The following PITPNC1 variants were observed in gnomAD, a reference collection of about 807,000 sequenced individuals.
PITPNC1 encodes cytoplasmic phosphatidylinositol transfer protein 1.
Under a neutral mutation model 44.7 loss-of-function variants are expected in PITPNC1, and 18 were observed. That is an observed-to-expected ratio of 0.40 (90% CI 0.28 to 0.60). The LOEUF (loss-of-function observed/expected upper bound fraction) is 0.60, where lower values mean the gene tolerates loss of function less well. Among genes scored for constraint, PITPNC1 ranks in the 20% least tolerant of loss-of-function variants. PITPNC1 has a pLI of 0.39. For missense variants in PITPNC1, 290 were observed against 418.4 expected (o/e 0.69, Z 2.68); for synonymous variants, 141 against 149.6 (o/e 0.94, Z 0.42).
intron 1 of PITPNC1, among the ~76,000 whole-genome samples, chr17:67,488,155 A>T (rs2039809316): frequency 6.6e-6 from 1 of 152,186 alleles, no homozygotes; most frequent in Non-Finnish European, 1.5e-5. Context: ...CATTGAGTCA[A>T]CCCATCGCAG....
At chr17:67,578,556 G>T (rs890819187) in intron 5 of PITPNC1, among the ~76,000 whole-genome samples, 3 of 152,200 alleles carry the variant, frequency 2.0e-5, no homozygotes, top group East Asian at 1.9e-4. Context: ...GGAACTCCAA[G>T]ATTTGGTTTT....
At chr17:67,675,787 C>T (rs529532280) in intron 8 of PITPNC1, among the ~76,000 whole-genome samples, 16 of 152,162 alleles carry the variant, frequency 1.1e-4, no homozygotes, top group Admixed American at 5.2e-4. Context: ...ATAGTTGATA[C>T]GCATGGCTCC....
intron 6 of PITPNC1, among the ~76,000 whole-genome samples, chr17:67,632,914 C>T (rs908631690): frequency 1.3e-5 from 2 of 152,152 alleles, no homozygotes; most frequent in African/African-American, 4.8e-5. Context: ...CATTCCAGCA[C>T]AGCTCCTTTC....
intron 8 of PITPNC1, among the ~76,000 whole-genome samples, chr17:67,691,675 C>G (rs1381985473): frequency 1.3e-5 from 2 of 152,146 alleles, no homozygotes; most frequent in Non-Finnish European, 2.9e-5. Context: ...ATCTTTGTGG[C>G]CCCTCAGAAT....
At chr17:67,380,880 C>T (rs2037948074) in intron 1 of PITPNC1, among the ~76,000 whole-genome samples, 1 of 151,886 alleles carries the variant, frequency 6.6e-6, no homozygotes, top group Non-Finnish European at 1.5e-5. Context: ...CTCAAGTGAT[C>T]CTCCCATCTC....
intron 1 of PITPNC1, among the ~76,000 whole-genome samples, chr17:67,510,150 G>T (rs2040164444): frequency 6.6e-6 from 1 of 152,196 alleles, no homozygotes. Context: ...AAGTGAAATA[G>T]ACAGCCTTGG....
At position 67,695,160 on chromosome 17, in the gene PITPNC1, T is replaced by A. The variant is rs934735879; in HGVS notation, c.*2272T>A. The A allele has an allele frequency of 6.6e-6, 1 of 152,206 alleles. No individual in the cohort carries two copies. Among genetic ancestry groups the A allele is most frequent in the African/African-American group, 2.4e-5 (1 of 41,472 alleles). 9.4% of individuals were successfully genotyped at this position (152,206 alleles called of 1,614,324 possible). A position where few individuals can be genotyped will look rare whatever the true frequency, so the allele number is the denominator to read the frequency against. On this transcript the variant is annotated 3_prime_UTR_variant, in exon 9 of 9. Transcript: ENST00000581322. ...ACAGACATCAGTTGCAAAGCTACGA[T>A]GATAGTGTGATTCTTAGCCGAAAAA...
intron 4 of PITPNC1, among the ~76,000 whole-genome samples, chr17:67,576,352 G>A (rs779488417): frequency 3.3e-5 from 5 of 152,094 alleles, no homozygotes; most frequent in Admixed American, 6.5e-5. Flanking sequence ...TTTAAAGCAG[G>A]GGGGGATGGT....
chr17:67,663,652 T>C (rs913763530), intron 6 of PITPNC1, among the ~76,000 whole-genome samples: 1 of 152,108 alleles, frequency 6.6e-6, no homozygotes, highest in African/African-American at 2.4e-5. Flanking sequence ...CCCTAAGCAG[T>C]GTGCCCAGAA....
At chr17:67,437,021 G>T (rs1055993197) in intron 1 of PITPNC1, among the ~76,000 whole-genome samples, 15 of 148,022 alleles carry the variant, frequency 1.0e-4, no homozygotes, top group African/African-American at 3.7e-4. Context: ...CCAGGCTCAG[G>T]TGATCCTCCC....
At chr17:67,505,490 A>AT (rs1314632101) in intron 1 of PITPNC1, among the ~76,000 whole-genome samples, 3 of 151,982 alleles carry the variant, frequency 2.0e-5, no homozygotes, top group Admixed American at 6.5e-5. Flanking sequence ...CTCTGGTACC[A>AT]TTTTTTGTTT....
In PITPNC1 at chr17:67,632,156, A is replaced by T; in HGVS notation, c.380A>T (p.Glu127Val). 1 of 1,611,258 alleles carries T rather than the reference A, an allele frequency of 6.2e-7. No individual in the cohort carries two copies. Among genetic ancestry groups the T allele is most frequent in the East Asian group, 2.2e-5 (1 of 44,864 alleles). Residue 127 changes from glutamate (E) to valine (V), a missense_variant, in exon 6 of 9, where the codon GAA (glutamate) becomes GTA (valine). Transcript: ENST00000581322. ...KGSNDTIFDN[E>V]AKDVEREVCF... ...CTGCTTTTTCAGATTTTCGACAATG[A>T]AGCCAAAGACGTGGAGAGAGAAGTT...
intron 5 of PITPNC1, among the ~76,000 whole-genome samples, chr17:67,603,357 C>T (rs1040291380): frequency 2.2e-4 from 34 of 152,264 alleles, no homozygotes; most frequent in African/African-American, 7.5e-4. Context: ...GATATTGACT[C>T]ATAATAATGG....
chr17:67,560,886 G>A (rs2040898096), intron 4 of PITPNC1, among the ~76,000 whole-genome samples: 1 of 152,148 alleles, frequency 6.6e-6, no homozygotes, highest in Non-Finnish European at 1.5e-5. Context: ...CTTTACAGAG[G>A]GCAATCAGCA....
intron 1 of PITPNC1, among the ~76,000 whole-genome samples, chr17:67,428,547 A>G (rs1360504867): frequency 6.6e-6 from 1 of 151,732 alleles, no homozygotes; most frequent in Non-Finnish European, 1.5e-5. Context: ...AGAAAAAAAA[A>G]AAAAAGAAAG....
At chr17:67,496,557 T>C (rs1288328406) in intron 1 of PITPNC1, among the ~76,000 whole-genome samples, 1 of 152,088 alleles carries the variant, frequency 6.6e-6, no homozygotes, top group African/African-American at 2.4e-5. Flanking sequence ...ATTATCACAG[T>C]TCCACTCTTG....
chr17:67,689,571 C>G (rs2042883289), intron 8 of PITPNC1, among the ~76,000 whole-genome samples: 1 of 152,164 alleles, frequency 6.6e-6, no homozygotes, highest in Admixed American at 6.5e-5. Flanking sequence ...AATTTTAGAT[C>G]ATCAACCCAA....
chr17:67,656,634 GTT>G (rs2144377327), intron 6 of PITPNC1, among the ~76,000 whole-genome samples: 1 of 152,264 alleles, frequency 6.6e-6, no homozygotes, highest in South Asian at 2.1e-4. Context: ...CCCAGCAGGG[GTT>G]TCAAGACACG....
intron 1 of PITPNC1, among the ~76,000 whole-genome samples, chr17:67,436,747 A>G (rs2038942074): frequency 1.3e-5 from 2 of 152,014 alleles, no homozygotes; most frequent in East Asian, 3.9e-4. Flanking sequence ...ATTTGTGTGG[A>G]TGGCTGAGGT....
Sources: allele counts gnomAD v4.1 joint callset (sites outside exome capture counted in the v4.1 genomes callset), GRCh38; gene constraint gnomAD v4.1.1; transcripts MANE v1.5; gene names NCBI Gene and HGNC (gene_info 2026-07-23, HGNC 2026-07-21).